Variants in WWOX observed in about 807,000 individuals in gnomAD.
WWOX encodes WW domain containing oxidoreductase, also known as WW domain-containing oxidoreductase.
WWOX carries 69 observed loss-of-function variants against 46.2 expected under a neutral mutation model. The observed-to-expected ratio is 1.49, with a 90% CI of 1.23 to 1.82. WWOX has a LOEUF of 1.82. WWOX is among the 40% of genes most tolerant of loss of function. WWOX has a pLI of 0.00. For missense variants in WWOX, 919 were observed against 542.6 expected (o/e 1.69, Z -6.89); for synonymous variants, 359 against 202.6 (o/e 1.77, Z -6.56).
At chr16:78,628,812 A>G (rs2151655643) in intron 8 of WWOX, among the ~76,000 whole-genome samples, 1 of 152,316 alleles carries the variant, frequency 6.6e-6, no homozygotes, top group East Asian at 1.9e-4. Flanking sequence ...GCCGACGACT[A>G]GCCAGGCGCT....
At chr16:78,606,805 A>G (rs1243428952) in intron 8 of WWOX, among the ~76,000 whole-genome samples, 3 of 151,532 alleles carry the variant, frequency 2.0e-5, no homozygotes, top group Non-Finnish European at 2.9e-5. Context: ...GCAAAAATCA[A>G]TAGCCCACTT....
chr16:78,581,862 G>T (rs971723479), intron 8 of WWOX, among the ~76,000 whole-genome samples: 1 of 152,002 alleles, frequency 6.6e-6, no homozygotes, highest in Admixed American at 6.6e-5. Context: ...TTTGCTTATC[G>T]GGTTTGTCAT....
intron 8 of WWOX, among the ~76,000 whole-genome samples, chr16:79,102,938 CTCTCTTCCT>C (rs1567551859): frequency 6.7e-6 from 1 of 149,848 alleles, no homozygotes; most frequent in Admixed American, 6.6e-5. Flanking sequence ...CTCTTCCTCC[CTCTCTTCCT>C]TCTCTTCCTT....
chr16:79,041,011 A>C (rs2047961124), intron 8 of WWOX, among the ~76,000 whole-genome samples: 1 of 151,954 alleles, frequency 6.6e-6, no homozygotes. Context: ...CAAGTGCATC[A>C]GACAAGTGCA....
At chr16:78,297,375 G>T (rs193275095) in intron 5 of WWOX, among the ~76,000 whole-genome samples, 1 of 152,086 alleles carries the variant, frequency 6.6e-6, no homozygotes, top group Non-Finnish European at 1.5e-5. Context: ...CATGTAGGGA[G>T]CCTTCCAACA....
intron 8 of WWOX, among the ~76,000 whole-genome samples, chr16:78,905,312 C>G (rs1159877857): frequency 6.6e-6 from 1 of 152,168 alleles, no homozygotes; most frequent in African/African-American, 2.4e-5. Flanking sequence ...TGAAGCAAAT[C>G]TAAGAAAAAT....
At chr16:78,804,696 TC>T (rs1368862133) in intron 8 of WWOX, among the ~76,000 whole-genome samples, 1 of 152,240 alleles carries the variant, frequency 6.6e-6, no homozygotes, top group Non-Finnish European at 1.5e-5. Flanking sequence ...CTGTTTTTTT[TC>T]TAATTTAGTG....
At chr16:79,154,194 C>T (rs1227566479) in intron 8 of WWOX, among the ~76,000 whole-genome samples, 2 of 152,200 alleles carry the variant, frequency 1.3e-5, no homozygotes, top group Non-Finnish European at 2.9e-5. Flanking sequence ...GATCGACACC[C>T]ACTAAATCCT....
At chr16:78,991,984 CAG>C (rs1017694868) in intron 8 of WWOX, among the ~76,000 whole-genome samples, 3 of 152,178 alleles carry the variant, frequency 2.0e-5, no homozygotes, top group African/African-American at 7.2e-5. Flanking sequence ...AAATGAAACT[CAG>C]GGGGTTGGGA....
intron 8 of WWOX, among the ~76,000 whole-genome samples, chr16:78,852,512 G>A (rs1369212929): frequency 1.3e-5 from 2 of 152,168 alleles, no homozygotes; most frequent in African/African-American, 4.8e-5. Flanking sequence ...GTTGGAAGCA[G>A]TTCCTCCAAC....
chr16:78,506,742 C>G (rs1284663207), intron 8 of WWOX, among the ~76,000 whole-genome samples: 1 of 118,476 alleles, frequency 8.4e-6, no homozygotes, highest in Non-Finnish European at 1.6e-5. Flanking sequence ...CAGAGTCTTG[C>G]TCTGTTGTCC....
intron 8 of WWOX, among the ~76,000 whole-genome samples, chr16:78,711,898 T>G (rs1181988798): frequency 1.3e-5 from 2 of 152,130 alleles, no homozygotes; most frequent in East Asian, 3.9e-4. Flanking sequence ...CCATCTAAAT[T>G]AATCCAAATT....
chr16:78,862,911 C>T (rs2043921881), intron 8 of WWOX, among the ~76,000 whole-genome samples: 1 of 151,872 alleles, frequency 6.6e-6, no homozygotes, highest in African/African-American at 2.4e-5. Flanking sequence ...TATCCTGTGG[C>T]CCAGTCAAGT....
chr16:79,164,930 A>G (rs1301251462), intron 8 of WWOX, among the ~76,000 whole-genome samples: 1 of 152,192 alleles, frequency 6.6e-6, no homozygotes, highest in East Asian at 1.9e-4. Context: ...AGTGTGCATA[A>G]AGATACCCTG....
chr16:78,143,752 GTTTT>G (rs200125720), intron 4 of WWOX, among the ~76,000 whole-genome samples: 1 of 120,240 alleles, frequency 8.3e-6, no homozygotes. Context: ...GAATTGGTAT[GTTTT>G]TTTTTTTTTT....
intron 8 of WWOX, among the ~76,000 whole-genome samples, chr16:79,166,112 G>A (rs1050137593): frequency 6.6e-6 from 1 of 152,214 alleles, no homozygotes; most frequent in Non-Finnish European, 1.5e-5. Flanking sequence ...AGACAAGTTG[G>A]GGTATTGCCG....
At chr16:78,752,374 G>T (rs536076518) in intron 8 of WWOX, among the ~76,000 whole-genome samples, 1 of 152,280 alleles carries the variant, frequency 6.6e-6, no homozygotes, top group East Asian at 1.9e-4. Context: ...TGCAACCTCT[G>T]CCTCCTGGGT....
intron 8 of WWOX, among the ~76,000 whole-genome samples, chr16:79,138,278 G>A (rs1382635002): frequency 6.6e-6 from 1 of 152,224 alleles, no homozygotes; most frequent in Non-Finnish European, 1.5e-5. Flanking sequence ...ATAGGAAAAT[G>A]TGTAATTCGT....
Position 79,109,991 on chromosome 16 carries a change from C to G in WWOX, c.1057-101617C>G, listed in dbSNP as rs929532254. On this transcript the variant is annotated intron_variant, in intron 8 of 8. Transcript: ENST00000566780. ...CAACCCTCCAAATCAAGAGTCCAGC[C>G]CGTTATGTCGCAAGGGCTTTGGGAA... Among the ~76,000 whole-genome samples the G allele has an allele frequency of 6.6e-5, 10 of 152,142 alleles. No individual in the cohort carries two copies. In the East Asian group the frequency reaches 1.7e-3, roughly 26 times the overall value.
Sources: allele counts gnomAD v4.1 joint callset (sites outside exome capture counted in the v4.1 genomes callset), GRCh38; gene constraint gnomAD v4.1.1; transcripts MANE v1.5; gene names NCBI Gene and HGNC (gene_info 2026-07-23, HGNC 2026-07-21).